Variants in FBN2 observed in about 807,000 individuals in gnomAD.
FBN2 encodes fibrillin 2.
FBN2 carries 105 observed loss-of-function variants against 355.6 expected under a neutral mutation model. The ratio of observed to expected loss-of-function variants is 0.30; its 90% CI spans 0.25 to 0.35. FBN2 has a LOEUF of 0.35. Among genes scored for constraint, FBN2 ranks in the 10% least tolerant of loss-of-function variants. FBN2 has a pLI of 1.00. For synonymous variants in FBN2, 1,350 were observed against 1,301.2 expected, an observed-to-expected ratio of 1.04 and a Z score of -0.81; for missense variants, 3,280 against 3,758.7, an observed-to-expected ratio of 0.87 and a Z score of 3.33.
intron 25 of FBN2, among the ~76,000 whole-genome samples, chr5:128,342,612 C>T (rs1751056037): frequency 6.6e-6 from 1 of 152,070 alleles, no homozygotes; most frequent in Non-Finnish European, 1.5e-5. Context: ...AGCGAACCTG[C>T]TGAGACAACC....
chr5:128,364,619 G>GAA lies in FBN2; in HGVS notation c.2408_2409insTT (p.Gly805LeufsTer12). Reference sequence around the variant, plus strand: ...ACTTACCAATACAGTTTCTTCCAGAGGCATCTGGTTCATAGCCACTGTTGC... The same window carrying GAA: ...ACTTACCAATACAGTTTCTTCCAGAGAAGCATCTGGTTCATAGCCACTGTTGC... On this transcript the variant is annotated frameshift_variant, in exon 18 of 65. Transcript: ENST00000262464. LOFTEE classifies it high-confidence loss of function. 1 of 1,613,550 alleles carries GAA rather than the reference G, an allele frequency of 6.2e-7. No individual in the cohort carries two copies. Among genetic ancestry groups the GAA allele is most frequent in the Non-Finnish European group, 8.5e-7 (1 of 1,179,640 alleles).
chr5:128,391,750 A>T (rs1430508820), intron 11 of FBN2, among the ~76,000 whole-genome samples: 1 of 152,124 alleles, frequency 6.6e-6, no homozygotes, highest in African/African-American at 2.4e-5. Context: ...GTTTATATTA[A>T]GAGTAAGCAT....
At chr5:128,411,028 T>C (rs1049527632) in intron 7 of FBN2, among the ~76,000 whole-genome samples, 1 of 152,122 alleles carries the variant, frequency 6.6e-6, no homozygotes, top group African/African-American at 2.4e-5. Flanking sequence ...TGTTGCCCAA[T>C]TGAGATGGGA....
At chr5:128,323,266 T>C (rs996743993) in intron 34 of FBN2, among the ~76,000 whole-genome samples, 3 of 152,214 alleles carry the variant, frequency 2.0e-5, no homozygotes, top group South Asian at 2.1e-4. Flanking sequence ...TCTTGCCTGA[T>C]TGCCCTGGCC....
Position 128,508,453 on chromosome 5 carries a change from C to T in FBN2, c.628+10820G>A, listed in dbSNP as rs188802757. 2.6e-5 allele frequency among the ~76,000 whole-genome samples: 4 copies of T among 152,020 alleles called. No individual in the cohort carries two copies. The East Asian group carries it at 7.7e-4, about 29-fold the overall frequency. ...TTACTCTAAGGTTTACACCACACATCTTTAACTTATCAATGTCTATCTTCA... is the reference window on the plus strand; with the variant it reads ...TTACTCTAAGGTTTACACCACACATTTTTAACTTATCAATGTCTATCTTCA... On this transcript the variant is annotated intron_variant, in intron 5 of 64. Coordinates refer to ENST00000262464, the MANE Select transcript of FBN2 (RefSeq NM_001999.4).
At chr5:128,465,287 T>C (rs1754679817) in intron 5 of FBN2, among the ~76,000 whole-genome samples, 1 of 152,196 alleles carries the variant, frequency 6.6e-6, no homozygotes, top group Non-Finnish European at 1.5e-5. Flanking sequence ...GAAGTTCTGG[T>C]CATGCTAGAC....
intron 5 of FBN2, among the ~76,000 whole-genome samples, chr5:128,472,793 GA>G (rs11348827): frequency 0.24 from 31,491 of 133,446 alleles, 5,805 homozygotes; most frequent in African/African-American, 0.53. Context: ...CTCCGTCTCA[GA>G]AAAAAAAAAA....
intron 34 of FBN2, 44 bp from the exon 35 acceptor site, chr5:128,319,045 T>C (rs1463337043): frequency 6.7e-7 from 1 of 1,484,038 alleles, no homozygotes; most frequent in Non-Finnish European, 9.4e-7. Context: ...AAGAAGACAT[T>C]TTAAAATTTT....
chr5:128,519,418 C>T (rs772440102), intron 4 of FBN2, 50 bp from the exon 5 acceptor site: 3 of 1,387,818 alleles, frequency 2.2e-6, no homozygotes, highest in East Asian at 4.6e-5. Flanking sequence ...TCTCCAAGCA[C>T]AATATAGTAG....
chr5:128,474,033 A>G (rs1309462699), intron 5 of FBN2, among the ~76,000 whole-genome samples: 1 of 152,224 alleles, frequency 6.6e-6, no homozygotes, highest in Non-Finnish European at 1.5e-5. Context: ...AAGAGGCCGT[A>G]ACGATAATTA....
chr5:128,317,437 A>G (rs2126852857), intron 36 of FBN2, among the ~76,000 whole-genome samples: 1 of 152,330 alleles, frequency 6.6e-6, no homozygotes, highest in African/African-American at 2.4e-5. Context: ...TAAGTTGTGT[A>G]TAAATCACAG....
chr5:128,520,777 C>G (rs962415659), intron 4 of FBN2, among the ~76,000 whole-genome samples: 5 of 152,152 alleles, frequency 3.3e-5, no homozygotes, highest in Admixed American at 6.5e-5. Context: ...AGGCATGATT[C>G]TGTGTGTCTC....
intron 7 of FBN2, among the ~76,000 whole-genome samples, chr5:128,410,962 AAAC>A (rs148216132): frequency 7.9e-5 from 12 of 152,302 alleles, no homozygotes; most frequent in East Asian, 1.9e-4. Flanking sequence ...TGCTTTTTTA[AAAC>A]AACAACAACA....
intron 3 of FBN2, among the ~76,000 whole-genome samples, chr5:128,529,207 TGA>T (rs1335312441): frequency 6.6e-6 from 1 of 152,142 alleles, no homozygotes; most frequent in Non-Finnish European, 1.5e-5. Context: ...ATAAATATTA[TGA>T]GTTATCAACA....
At chr5:128,328,962 A>C in intron 33 of FBN2, 141 bp from the exon 34 acceptor site, 1 of 841,668 alleles carries the variant, frequency 1.2e-6, no homozygotes, top group Non-Finnish European at 2.0e-6. Context: ...ATTCACTTAA[A>C]GGAGGGTATC....
chr5:128,524,327 A>G (rs573511566), intron 4 of FBN2, among the ~76,000 whole-genome samples: 6 of 151,730 alleles, frequency 4.0e-5, no homozygotes, highest in Non-Finnish European at 8.8e-5. Flanking sequence ...CCTGACCCAG[A>G]CTCTCTCCCT....
chr5:128,264,749 C>A (rs1765076174), intron 62 of FBN2, among the ~76,000 whole-genome samples: 1 of 152,060 alleles, frequency 6.6e-6, no homozygotes, highest in Non-Finnish European at 1.5e-5. Context: ...TATTTCAGCC[C>A]ATGTGGGGAA....
chr5:128,326,696 C>G (rs780314601), intron 34 of FBN2, among the ~76,000 whole-genome samples: 4 of 152,110 alleles, frequency 2.6e-5, no homozygotes, highest in Non-Finnish European at 2.9e-5. Flanking sequence ...ATGGCCAGAA[C>G]CATGGAATTA....
intron 11 of FBN2, among the ~76,000 whole-genome samples, chr5:128,387,601 A>G (rs1374841659): frequency 6.6e-6 from 1 of 152,150 alleles, no homozygotes; most frequent in African/African-American, 2.4e-5. Flanking sequence ...TTTTAGTGCT[A>G]TAAACTTTAC....
Sources: gnomAD v4.1 joint callset for allele counts (sites outside exome capture counted in the v4.1 genomes callset) on GRCh38, gnomAD v4.1.1 for gene constraint, MANE v1.5 for transcripts, NCBI Gene and HGNC (gene_info 2026-07-23, HGNC 2026-07-21) for gene names.